EXOSC10: variants seen among roughly 807,000 people sequenced by gnomAD.
EXOSC10 encodes exosome complex component 10.
Under a neutral mutation model 126.6 loss-of-function variants are expected in EXOSC10, and 94 were observed. The observed-to-expected ratio is 0.74, with a 90% confidence interval of 0.63 to 0.88. EXOSC10 has a LOEUF of 0.88. EXOSC10 is among the 40% of genes least tolerant of loss of function. The pLI, the probability that EXOSC10 is intolerant of heterozygous loss-of-function variation, is 0.00. For missense variants in EXOSC10, 1,041 were observed against 1,100.5 expected, an observed-to-expected ratio of 0.95 and a Z score of 0.77; for synonymous variants, 395 against 400.8, an observed-to-expected ratio of 0.99 and a Z score of 0.17.
At chr1:11,094,398 G>A (rs181459366) in intron 3 of EXOSC10, among the ~76,000 whole-genome samples, 53 of 151,476 alleles carry the variant, frequency 3.5e-4, no homozygotes, top group African/African-American at 1.2e-3. Context: ...GAGTTCAAGC[G>A]ATTCTCCTGC....
In EXOSC10 at chr1:11,069,260, G is replaced by GAGAGAGAGAGAGAGATA. The variant is rs1557690891; in HGVS notation, c.2488+298_2488+299insTATCTCTCTCTCTCTCT. ...GTGTGTGTGTGAGAGAGAGAGAGAG[G>GAGAGAGAGAGAGAGATA]GTTTATGGGCACAAGTTATAGTGAG... On this transcript the variant is annotated intron_variant, in intron 22 of 24. Transcript: ENST00000376936. Among the ~76,000 whole-genome samples the GAGAGAGAGAGAGAGATA allele has an allele frequency of 3.4e-5, 4 of 118,782 alleles. 1 individual carries two copies. Among genetic ancestry groups the GAGAGAGAGAGAGAGATA allele is most frequent in the Admixed American group, 9.6e-5 (1 of 10,378 alleles). 77.9% of individuals were successfully genotyped at this position (118,782 alleles called of 152,430 possible).
chr1:11,074,468 A>G (rs1036250199), intron 17 of EXOSC10, 142 bp from the exon 18 acceptor site: 51 of 604,676 alleles, frequency 8.4e-5, no homozygotes, highest in Non-Finnish European at 1.4e-4. Context: ...GCTGGAGTAC[A>G]GTGGTGTGAT....
chr1:11,096,247 T>G (rs540949083), intron 2 of EXOSC10, among the ~76,000 whole-genome samples: 3 of 151,656 alleles, frequency 2.0e-5, no homozygotes, highest in African/African-American at 7.3e-5. Context: ...GACTCCCGGA[T>G]TCAAGCGATT....
chr1:11,084,738 T>C (rs1250153709), intron 9 of EXOSC10, among the ~76,000 whole-genome samples: 3 of 152,234 alleles, frequency 2.0e-5, no homozygotes, highest in African/African-American at 2.4e-5. Flanking sequence ...GGTTTCCTTC[T>C]AGGGTTTTTA....
intron 17 of EXOSC10, among the ~76,000 whole-genome samples, chr1:11,075,250 C>T (rs1639742349): frequency 6.6e-6 from 1 of 152,104 alleles, no homozygotes; most frequent in Non-Finnish European, 1.5e-5. Flanking sequence ...AACTCCTGAC[C>T]TCAGGTGATA....
intron 1 of EXOSC10, 187 bp downstream of exon 1, chr1:11,099,534 C>T (rs1246269564): frequency 8.9e-6 from 5 of 560,180 alleles, no homozygotes; most frequent in Non-Finnish European, 1.5e-5. Context: ...CGGGACGCCC[C>T]TCAGTGTCCG....
At chr1:11,096,029 G>T (rs1641065526) in intron 2 of EXOSC10, 148 bp from the exon 3 acceptor site, 1 of 868,042 alleles carries the variant, frequency 1.2e-6, no homozygotes, top group Non-Finnish European at 1.7e-6. Flanking sequence ...TGTTGCCCAG[G>T]CTGGAGTTCA....
chr1:11,068,713 G>A lies in EXOSC10; in HGVS notation c.2489-7C>T, dbSNP rs192329748. Reference sequence around the variant, plus strand: ...ACTTTGGATTTGCTGTTTCCTGAAAGGTAAGAGATGAGAGAGACCTGCGGT... The same window carrying A: ...ACTTTGGATTTGCTGTTTCCTGAAAAGTAAGAGATGAGAGAGACCTGCGGT... On this transcript the variant is annotated splice_polypyrimidine_tract_variant and splice_region_variant and intron_variant, in intron 22 of 24. Transcript: ENST00000376936. The A allele has an allele frequency of 2.7e-5, 44 of 1,613,232 alleles. No individual in the cohort carries two copies. In the African/African-American group the frequency reaches 5.5e-4, roughly 20 times the overall value.
chr1:11,088,899 A>G (rs1640643820), intron 6 of EXOSC10, among the ~76,000 whole-genome samples: 1 of 152,176 alleles, frequency 6.6e-6, no homozygotes. Context: ...ATTGCCAGTA[A>G]AAAATGCCTT....
At chr1:11,094,108 T>C (rs1264282919) in intron 3 of EXOSC10, among the ~76,000 whole-genome samples, 1 of 151,876 alleles carries the variant, frequency 6.6e-6, no homozygotes, top group Non-Finnish European at 1.5e-5. Context: ...AATTTGCAGA[T>C]CTGGAAGACA....
At chr1:11,089,863 G>T (rs1189650780) in intron 6 of EXOSC10, among the ~76,000 whole-genome samples, 1 of 152,082 alleles carries the variant, frequency 6.6e-6, no homozygotes, top group Non-Finnish European at 1.5e-5. Context: ...AGGATCACTT[G>T]AGCCCAGGAG....
Position 11,099,754 on chromosome 1 carries a change from C to G in EXOSC10, c.78G>C (p.Leu26=). The G allele has an allele frequency of 6.2e-7, 1 of 1,611,936 alleles. No homozygotes were observed. Among genetic ancestry groups the G allele is most frequent in the Non-Finnish European group, 8.5e-7 (1 of 1,178,996 alleles). The stretch of plus-strand genomic sequence containing the variant: ...AGCTGTCGGCGTCCGGGAAGCCTGG[C>G]AGCACCATCTCTCCGTCGGATTTGG... ...SATKSDGEMV[L]PGFPDADSFV... The change falls in exon 1 of 25, where the codon CTG becomes CTC. Residue 26 remains leucine, a synonymous_variant. Transcript: ENST00000376936.
chr1:11,070,738 C>A, intron 21 of EXOSC10, 162 bp downstream of exon 21: 1 of 626,326 alleles, frequency 1.6e-6, no homozygotes, highest in Non-Finnish European at 2.8e-6. Flanking sequence ...GTGGAGGTTT[C>A]GGAAATGAGG....
rs780610676 is a variant in EXOSC10, at chr1:11,087,444, T to C, written c.1089+4A>G. 22 of 1,613,982 alleles carry C rather than the reference T, an allele frequency of 1.4e-5. No homozygotes were observed. The highest frequency in any genetic ancestry group is 1.7e-5 in the Non-Finnish European group (20 of 1,180,002). Reference sequence around the variant, plus strand: ...CATGCATGAGTTACAAAAGGCTGGCTGACCTTAACGATGGCTGGGTCTGTG... The same window carrying C: ...CATGCATGAGTTACAAAAGGCTGGCCGACCTTAACGATGGCTGGGTCTGTG... On this transcript the variant is annotated splice_donor_region_variant and intron_variant, in intron 9 of 24. Coordinates refer to ENST00000376936, the MANE Select transcript of EXOSC10 (RefSeq NM_001001998.3).
At position 11,091,466 on chromosome 1, in the gene EXOSC10, G is replaced by C. The variant is rs374978505; in HGVS notation, c.477+27C>G. The C allele has an allele frequency of 3.8e-4, 603 of 1,575,586 alleles. 9 individuals carry two copies. The South Asian group carries it at 5.6e-3, about 15-fold the overall frequency. On this transcript the variant is annotated intron_variant, in intron 4 of 24. Transcript: ENST00000376936. ...CTCTGTTATGAAGCTGACATCAAGA[G>C]CTCTAGTTAATCTGAAAAGCCCTCA...
intron 2 of EXOSC10, among the ~76,000 whole-genome samples, chr1:11,096,472 T>TTTCTTTCTTTCTTTC (rs1491091719): frequency 2.7e-5 from 1 of 36,860 alleles, no homozygotes; most frequent in Non-Finnish European, 1.5e-4. Context: ...TCTTTCTTTC[T>TTTCTTTCTTTCTTTC]TTTTTTTTTT....
chr1:11,069,830 G>A, intron 21 of EXOSC10, 100 bp from the exon 22 acceptor site: 1 of 1,299,228 alleles, frequency 7.7e-7, no homozygotes, highest in Non-Finnish European at 1.1e-6. Flanking sequence ...TGCCTAAGTG[G>A]TAAGAAGAAC....
chr1:11,076,773 G>A, intron 17 of EXOSC10, 69 bp downstream of exon 17: 1 of 1,200,498 alleles, frequency 8.3e-7, no homozygotes, highest in South Asian at 1.2e-5. Flanking sequence ...CAGGCAGACA[G>A]CCTGCTGAAT....
rs1639539109 is a variant in EXOSC10 at position 11,072,133 on chromosome 1, T to C, written c.2196A>G (p.Gln732=). 1 of 1,613,910 alleles carries C rather than the reference T, an allele frequency of 6.2e-7. No homozygotes were observed. The highest frequency in any genetic ancestry group is 1.1e-5 in the South Asian group (1 of 91,042). The part of the protein sequence containing the change: ...NRWKLAQVQV[Q]KDSKEAVKKK... Reference sequence around the variant, plus strand: ...TCTTGACAGCTTCTTTAGAGTCTTTTTGTACTTGTACCTGGGCCAGCTTCC... The same window carrying C: ...TCTTGACAGCTTCTTTAGAGTCTTTCTGTACTTGTACCTGGGCCAGCTTCC... Residue 732 remains glutamine (Q), a synonymous_variant, in exon 20 of 25, where the codon CAA becomes CAG. Coordinates refer to ENST00000376936, the MANE Select transcript of EXOSC10 (RefSeq NM_001001998.3).
Sources: gnomAD v4.1 joint callset for allele counts (sites outside exome capture counted in the v4.1 genomes callset) on GRCh38, gnomAD v4.1.1 for gene constraint, MANE v1.5 for transcripts, NCBI Gene and HGNC (gene_info 2026-07-23, HGNC 2026-07-21) for gene names.